NECTIN1: variants seen among roughly 807,000 people sequenced by gnomAD.
NECTIN1 encodes the protein nectin cell adhesion molecule 1, also known as nectin-1.
A neutral mutation model predicts 48.0 loss-of-function variants in NECTIN1; 23 were observed. That is an observed-to-expected ratio of 0.48 (90% confidence interval 0.34 to 0.68). The LOEUF (loss-of-function observed/expected upper bound fraction) is 0.68, where lower values mean the gene tolerates loss of function less well. Ranked by LOEUF, NECTIN1 falls within the 30% of genes least tolerant of loss-of-function variation. The pLI is 0.01. For synonymous variants in NECTIN1, 270 were observed against 288.9 expected, an observed-to-expected ratio of 0.93 and a Z score of 0.66; for missense variants, 591 against 709.9, an observed-to-expected ratio of 0.83 and a Z score of 1.90.
chr11:119,699,677 C>T (rs971722225), intron 1 of NECTIN1, among the ~76,000 whole-genome samples: 7 of 152,220 alleles, frequency 4.6e-5, no homozygotes, highest in South Asian at 2.1e-4. Flanking sequence ...TTTTGAAAGA[C>T]GCTCAGGTGC....
At chr11:119,644,629 C>T (rs185595822) in intron 5 of NECTIN1, among the ~76,000 whole-genome samples, 2 of 152,320 alleles carry the variant, frequency 1.3e-5, no homozygotes, top group Non-Finnish European at 2.9e-5. Flanking sequence ...AATAAGTATG[C>T]TATTTTGTGA....
At chr11:119,648,264 A>ATGGTGGTGATGGTGATGGTG (rs1565376362) in intron 5 of NECTIN1, among the ~76,000 whole-genome samples, 1 of 29,718 alleles carries the variant, frequency 3.4e-5, no homozygotes, top group Non-Finnish European at 5.6e-5. Context: ...AGGTGGTAAT[A>ATGGTGGTGATGGTGATGGTG]GTGGTGGTGG....
chr11:119,659,566 A>T (rs1337240982), downstream of NECTIN1, among the ~76,000 whole-genome samples: 2 of 152,198 alleles, frequency 1.3e-5, no homozygotes, highest in African/African-American at 2.4e-5. Context: ...TCCAAGGCCC[A>T]ACTGGACTAG....
At chr11:119,689,934 G>A (rs1865224359) in intron 1 of NECTIN1, among the ~76,000 whole-genome samples, 1 of 152,252 alleles carries the variant, frequency 6.6e-6, no homozygotes, top group Non-Finnish European at 1.5e-5. Context: ...CACCAAACCT[G>A]CTATTTCATT....
intron 1 of NECTIN1, among the ~76,000 whole-genome samples, chr11:119,691,087 G>T (rs1687455724): frequency 6.6e-6 from 1 of 152,152 alleles, no homozygotes. Flanking sequence ...TTGCCCCAGT[G>T]TTAACCACCA....
chr11:119,710,065 C>A (rs1458068285), intron 1 of NECTIN1: 1 of 152,154 alleles, frequency 6.6e-6, no homozygotes, highest in Non-Finnish European at 1.5e-5. Context: ...GAAGTCACCA[C>A]CCAGTCACCC....
At chr11:119,638,188 C>G in exon 8 of NECTIN1, 7 of 1,614,068 alleles carry the variant, frequency 4.3e-6, no homozygotes, top group South Asian at 1.1e-5. Context: ...GCTGCAGGGA[C>G]AGCTTCTGCA....
At chr11:119,693,864 GTGGGT>G (rs1052634886) in intron 1 of NECTIN1, among the ~76,000 whole-genome samples, 5 of 152,196 alleles carry the variant, frequency 3.3e-5, no homozygotes, top group African/African-American at 1.2e-4. Context: ...CTGGGAAAGG[GTGGGT>G]TTTCTTTTTC....
At chr11:119,708,765 G>A (rs933909994) in intron 1 of NECTIN1, among the ~76,000 whole-genome samples, 3 of 152,068 alleles carry the variant, frequency 2.0e-5, no homozygotes, top group Non-Finnish European at 4.4e-5. Context: ...TGTGGTTTGC[G>A]AATTATATCT....
At chr11:119,702,946 C>A (rs1404938783) in intron 1 of NECTIN1, among the ~76,000 whole-genome samples, 2 of 152,172 alleles carry the variant, frequency 1.3e-5, no homozygotes, top group African/African-American at 4.8e-5. Context: ...CAGCCCTGTC[C>A]CCCAGTATGG....
At chr11:119,701,234 C>T (rs1865446429) in intron 1 of NECTIN1, among the ~76,000 whole-genome samples, 1 of 152,180 alleles carries the variant, frequency 6.6e-6, no homozygotes, top group Non-Finnish European at 1.5e-5. Flanking sequence ...TAGGGTCAAA[C>T]CAAAGTGACC....
intron 1 of NECTIN1, among the ~76,000 whole-genome samples, chr11:119,688,820 G>T (rs1463894201): frequency 6.6e-6 from 1 of 152,148 alleles, no homozygotes; most frequent in Non-Finnish European, 1.5e-5. Flanking sequence ...GCAGTGAGTT[G>T]TGTTTGGGGG....
chr11:119,647,285 C>G (rs1864411992), intron 5 of NECTIN1, among the ~76,000 whole-genome samples: 1 of 150,870 alleles, frequency 6.6e-6, no homozygotes, highest in Non-Finnish European at 1.5e-5. Flanking sequence ...AGGATGTTCC[C>G]TCTATCTGGA....
chr11:119,685,104 G>A (rs967108293), intron 1 of NECTIN1, among the ~76,000 whole-genome samples: 11 of 152,356 alleles, frequency 7.2e-5, no homozygotes, highest in African/African-American at 2.4e-4. Flanking sequence ...TTGCACTGCT[G>A]TTAGTCTGGC....
Position 119,677,379 on chromosome 11 carries a change from G to A in NECTIN1, c.734-160C>T, listed in dbSNP as rs565876160. 5.3e-4 allele frequency among the ~76,000 whole-genome samples: 80 copies of A among 152,166 alleles called. No individual in the cohort carries two copies. Among genetic ancestry groups the A allele is most frequent in the African/African-American group, 1.6e-3 (68 of 41,522 alleles). On this transcript the variant is annotated intron_variant, in intron 3 of 5. Transcript: ENST00000264025. This position sits in a 1 kb window ranked among gnomAD's most constrained non-coding sequence, Gnocchi z 5.4. ...GTGGCAATCACAGAGCCCGGGAGTG[G>A]AAACAGGAGGGCGACAGGGAAGGAG... is the stretch of plus-strand genomic sequence containing the variant.
chr11:119,638,298 C>G (rs376711111), intron 7 of NECTIN1: 53 of 1,609,438 alleles, frequency 3.3e-5, no homozygotes, highest in Non-Finnish European at 3.4e-5. Context: ...GCCCCTGCTC[C>G]AGGTGGCCCT....
chr11:119,645,038 T>C (rs1256645144), intron 5 of NECTIN1, among the ~76,000 whole-genome samples: 10 of 152,182 alleles, frequency 6.6e-5, no homozygotes, highest in Non-Finnish European at 1.5e-4. Context: ...GGGCAGCCAC[T>C]TGGCACTTCT....
At chr11:119,725,246 G>C (rs989401420) in intron 1 of NECTIN1, among the ~76,000 whole-genome samples, 2 of 152,190 alleles carry the variant, frequency 1.3e-5, no homozygotes, top group Non-Finnish European at 2.9e-5. Flanking sequence ...AGCAGAGTCC[G>C]GGGGTCAAAC....
chr11:119,688,123 A>G (rs1865191731), intron 1 of NECTIN1, among the ~76,000 whole-genome samples: 1 of 152,154 alleles, frequency 6.6e-6, no homozygotes, highest in Non-Finnish European at 1.5e-5. Flanking sequence ...TGACTTCGAG[A>G]AAGGTGCATT....
Sources: allele counts gnomAD v4.1 joint callset (sites outside exome capture counted in the v4.1 genomes callset), GRCh38; gene constraint gnomAD v4.1.1; non-coding constraint Gnocchi (gnomAD v3.1); transcripts MANE v1.5; gene names NCBI Gene and HGNC (gene_info 2026-07-23, HGNC 2026-07-21).